The following SLC25A21 variants were observed in gnomAD, a reference collection of about 807,000 sequenced individuals.
The protein encoded by SLC25A21 is solute carrier family 25 member 21.
Under a neutral mutation model 43.8 loss-of-function variants are expected in SLC25A21, and 47 were observed. The ratio of observed to expected loss-of-function variants is 1.07; its 90% CI spans 0.85 to 1.37. The LOEUF (loss-of-function observed/expected upper bound fraction) is 1.37. Among genes scored for constraint, SLC25A21 ranks in the 40% most tolerant of loss-of-function variants. SLC25A21 has a pLI of 0.00. For synonymous variants in SLC25A21, 131 were observed against 121.3 expected, an observed-to-expected ratio of 1.08 and a Z score of -0.52; for missense variants, 352 against 350.2, an observed-to-expected ratio of 1.00 and a Z score of -0.04.
chr14:36,715,577 C>T (rs1566530552), intron 6 of SLC25A21, among the ~76,000 whole-genome samples: 1 of 152,180 alleles, frequency 6.6e-6, no homozygotes, highest in Non-Finnish European at 1.5e-5. Flanking sequence ...GGCCAAATTG[C>T]ACTCTAACTT....
At chr14:36,706,484 C>T (rs1001866260) in intron 7 of SLC25A21, among the ~76,000 whole-genome samples, 1 of 152,130 alleles carries the variant, frequency 6.6e-6, no homozygotes, top group African/African-American at 2.4e-5. Flanking sequence ...CAGCTTTTTC[C>T]TCACAAGCCA....
At chr14:37,030,123 T>C (rs1211162794) in intron 1 of SLC25A21, among the ~76,000 whole-genome samples, 2 of 152,168 alleles carry the variant, frequency 1.3e-5, no homozygotes, top group Non-Finnish European at 2.9e-5. Context: ...ACTAACACTT[T>C]GTATATGTAT....
intron 3 of SLC25A21, among the ~76,000 whole-genome samples, chr14:36,787,530 G>C (rs914693940): frequency 6.6e-6 from 1 of 152,054 alleles, no homozygotes; most frequent in Non-Finnish European, 1.5e-5. Flanking sequence ...CAAAATTAAT[G>C]TTGAAATTAA....
intron 1 of SLC25A21, among the ~76,000 whole-genome samples, chr14:37,075,742 G>A (rs1472481886): frequency 6.6e-6 from 1 of 152,126 alleles, no homozygotes; most frequent in African/African-American, 2.4e-5. Flanking sequence ...TATATAGGGT[G>A]GTAATTTGAT....
intron 1 of SLC25A21, among the ~76,000 whole-genome samples, chr14:36,882,829 C>T (rs1263333067): frequency 1.3e-5 from 2 of 151,698 alleles, no homozygotes; most frequent in East Asian, 1.9e-4. Context: ...CCCTGCACAC[C>T]TCCATCCCCT....
At chr14:37,125,145 G>A (rs2138897100) in intron 1 of SLC25A21, among the ~76,000 whole-genome samples, 1 of 152,302 alleles carries the variant, frequency 6.6e-6, no homozygotes, top group Admixed American at 6.5e-5. Context: ...TACTAAAATA[G>A]CTGTGTGACC....
chr14:36,769,235 T>A (rs928157602), intron 3 of SLC25A21, among the ~76,000 whole-genome samples: 3 of 152,244 alleles, frequency 2.0e-5, no homozygotes, highest in African/African-American at 7.2e-5. Flanking sequence ...GTCTTAGTTT[T>A]CTATCGTGGT....
chr14:37,154,098 G>A (rs1459327409), intron 1 of SLC25A21, among the ~76,000 whole-genome samples: 1 of 152,022 alleles, frequency 6.6e-6, no homozygotes, highest in Non-Finnish European at 1.5e-5. Context: ...ACAAGTACAG[G>A]TGGCAGCATA....
intron 1 of SLC25A21, among the ~76,000 whole-genome samples, chr14:37,097,415 C>A (rs1371438386): frequency 6.6e-6 from 1 of 151,886 alleles, no homozygotes; most frequent in Non-Finnish European, 1.5e-5. Context: ...TGTTTTCTTG[C>A]GTTAAGGGTT....
intron 1 of SLC25A21, among the ~76,000 whole-genome samples, chr14:36,992,108 A>G (rs1960276627): frequency 6.6e-6 from 1 of 152,188 alleles, no homozygotes; most frequent in South Asian, 2.1e-4. Context: ...GCACTTTGCA[A>G]CTTGCTGCAG....
intron 2 of SLC25A21, among the ~76,000 whole-genome samples, chr14:36,841,569 T>G (rs1017486046): frequency 6.6e-6 from 1 of 152,234 alleles, no homozygotes; most frequent in South Asian, 2.1e-4. Context: ...CCACTTTCAC[T>G]GATTTCCTAA....
At chr14:36,912,289 G>A (rs1432533056) in intron 1 of SLC25A21, among the ~76,000 whole-genome samples, 8 of 152,126 alleles carry the variant, frequency 5.3e-5, no homozygotes, top group African/African-American at 1.9e-4. Flanking sequence ...ACATACTTTT[G>A]TTCTCCACGG....
At chr14:37,124,930 G>A (rs1292976950) in intron 1 of SLC25A21, among the ~76,000 whole-genome samples, 1 of 152,172 alleles carries the variant, frequency 6.6e-6, no homozygotes, top group Non-Finnish European at 1.5e-5. Context: ...GGCCTCCCCA[G>A]AAGTAGATGC....
chr14:36,994,539 C>G, intron 1 of SLC25A21, among the ~76,000 whole-genome samples: 1 of 152,194 alleles, frequency 6.6e-6, no homozygotes, highest in East Asian at 1.9e-4. Flanking sequence ...CTGCTGTTCT[C>G]TCTCAAAGCA....
chr14:37,008,326 T>C (rs1325471101), intron 1 of SLC25A21, among the ~76,000 whole-genome samples: 2 of 152,196 alleles, frequency 1.3e-5, no homozygotes, highest in African/African-American at 4.8e-5. Context: ...AGAACAAAAT[T>C]GTGGACATTT....
chr14:36,707,162 C>T (rs1883608297), intron 7 of SLC25A21, among the ~76,000 whole-genome samples: 1 of 152,196 alleles, frequency 6.6e-6, no homozygotes, highest in Non-Finnish European at 1.5e-5. Context: ...TGTTTTTGCC[C>T]ATTTGCTGTC....
chr14:36,792,562 T>C (rs1054074607), intron 3 of SLC25A21, among the ~76,000 whole-genome samples: 19 of 152,138 alleles, frequency 1.2e-4, no homozygotes, highest in Non-Finnish European at 2.2e-4. Flanking sequence ...AACTGTGAAA[T>C]GTCCAAAGTG....
chr14:37,036,422 T>A (rs1594762625), intron 1 of SLC25A21, among the ~76,000 whole-genome samples: 1 of 76,366 alleles, frequency 1.3e-5, no homozygotes, highest in Non-Finnish European at 3.3e-5. Context: ...ACAGTAAAAC[T>A]TAGCGCAACA....
At chr14:36,769,756 T>C (rs555368231) in intron 3 of SLC25A21, among the ~76,000 whole-genome samples, 1 of 152,326 alleles carries the variant, frequency 6.6e-6, no homozygotes, top group African/African-American at 2.4e-5. Flanking sequence ...ACTGAAGATA[T>C]CTCTCAGAAT....
Sources: gnomAD v4.1 joint callset for allele counts (sites outside exome capture counted in the v4.1 genomes callset) on GRCh38, gnomAD v4.1.1 for gene constraint, MANE v1.5 for transcripts, NCBI Gene and HGNC (gene_info 2026-07-23, HGNC 2026-07-21) for gene names.